SH3RF3: variants seen among roughly 807,000 people sequenced by gnomAD.
SH3RF3 encodes the protein SH3 domain containing ring finger 3.
SH3RF3 carries 29 observed loss-of-function variants against 66.3 expected under a neutral mutation model. That is an observed-to-expected ratio of 0.44 (90% confidence interval 0.33 to 0.60). The LOEUF (loss-of-function observed/expected upper bound fraction) is 0.60. SH3RF3 is among the 20% of genes least tolerant of loss of function. The pLI is 0.04. For synonymous variants in SH3RF3, 583 were observed against 532.0 expected (o/e 1.10, Z -1.32); for missense variants, 1,194 against 1,190.9 (o/e 1.00, Z -0.04).
Position 109,429,872 on chromosome 2 carries a change from G to A in SH3RF3, c.1404-2629G>A, listed in dbSNP as rs114595583. ...ATGCTCCCAGGCCACCAAGCTCCAC[G>A]CTGTGCAGGGAGCCTGCAGTAGCCT... is the stretch of plus-strand genomic sequence containing the variant. On this transcript the variant is annotated intron_variant, in intron 5 of 9. Coordinates refer to ENST00000309415, the MANE Select transcript of SH3RF3 (RefSeq NM_001099289.3). Among the ~76,000 whole-genome samples, 692 of 152,282 alleles carry A rather than the reference G, an allele frequency of 4.5e-3. 2 individuals are homozygous for A. Among genetic ancestry groups the A allele is most frequent in the African/African-American group, 0.016 (647 of 41,550 alleles).
At chr2:109,430,433 G>A (rs988728687) in intron 5 of SH3RF3, among the ~76,000 whole-genome samples, 2 of 152,096 alleles carry the variant, frequency 1.3e-5, no homozygotes, top group Non-Finnish European at 2.9e-5. Flanking sequence ...AGCCCAGGCT[G>A]TGTGGAAGCC....
At chr2:109,258,005 T>C (rs74976444) in intron 1 of SH3RF3, among the ~76,000 whole-genome samples, 2 of 45,590 alleles carry the variant, frequency 4.4e-5, no homozygotes, top group African/African-American at 1.8e-4. Context: ...TGCACACACA[T>C]ACCCACATAC....
chr2:109,405,735 C>T (rs1188403059), intron 4 of SH3RF3, among the ~76,000 whole-genome samples: 1 of 152,212 alleles, frequency 6.6e-6, no homozygotes, highest in Non-Finnish European at 1.5e-5. Context: ...TCAATTCCCC[C>T]ACTGTCTCTT....
intron 1 of SH3RF3, among the ~76,000 whole-genome samples, chr2:109,173,332 C>A (rs1294102021): frequency 2.0e-5 from 3 of 152,114 alleles, no homozygotes; most frequent in African/African-American, 7.2e-5. Flanking sequence ...CCTTCCTGTG[C>A]TCTGCCCGTT....
At position 109,386,424 on chromosome 2, in the gene SH3RF3, A is replaced by C. The variant is rs13404509; in HGVS notation, c.946-12166A>C. On this transcript the variant is annotated intron_variant, in intron 3 of 9. Transcript: ENST00000309415. ...GACTGTTACAAGAAGTTTAAAAAAA[A>C]AAAAAAAAACACTGTGGCTGCTTGT... Among the ~76,000 whole-genome samples the C allele has an allele frequency of 9.2e-3, 1,395 of 152,306 alleles. 22 individuals carry two copies. Among genetic ancestry groups the C allele is most frequent in the African/African-American group, 0.031 (1,303 of 41,568 alleles).
intron 1 of SH3RF3, among the ~76,000 whole-genome samples, chr2:109,235,847 C>T (rs1309723769): frequency 6.6e-6 from 1 of 152,226 alleles, no homozygotes; most frequent in East Asian, 1.9e-4. Context: ...ACATGCTTGA[C>T]TGATAAAACC....
chr2:109,388,606 C>T (rs1171136955), intron 3 of SH3RF3, among the ~76,000 whole-genome samples: 4 of 152,222 alleles, frequency 2.6e-5, no homozygotes, highest in African/African-American at 9.6e-5. Context: ...GCTGCATGCA[C>T]ATGCAAATGC....
At chr2:109,395,689 G>A (rs905040757) in intron 3 of SH3RF3, among the ~76,000 whole-genome samples, 2 of 152,194 alleles carry the variant, frequency 1.3e-5, no homozygotes, top group Non-Finnish European at 2.9e-5. Flanking sequence ...GCAGCCTCTC[G>A]GGGACACGTG....
chr2:109,489,766 C>G (rs915452924), intron 8 of SH3RF3, among the ~76,000 whole-genome samples: 1 of 151,964 alleles, frequency 6.6e-6, no homozygotes, highest in African/African-American at 2.4e-5. Flanking sequence ...GGGACGGAGT[C>G]TCGCTCTGTC....
intron 1 of SH3RF3, among the ~76,000 whole-genome samples, chr2:109,133,824 T>G (rs577409179): frequency 6.6e-6 from 1 of 151,992 alleles, no homozygotes; most frequent in Admixed American, 6.5e-5. Context: ...ATTAGCATAG[T>G]TGGGAATAAG....
chr2:109,146,163 A>G (rs1198761691), intron 1 of SH3RF3, among the ~76,000 whole-genome samples: 1 of 152,188 alleles, frequency 6.6e-6, no homozygotes, highest in Admixed American at 6.5e-5. Flanking sequence ...TCATTAGAAT[A>G]CGTATTAGAA....
intron 4 of SH3RF3, 140 bp downstream of exon 4, chr2:109,399,083 T>G: frequency 9.7e-7 from 1 of 1,031,086 alleles, no homozygotes; most frequent in South Asian, 1.6e-5. Flanking sequence ...GGGTTTGCCC[T>G]TTGCTGCCTG....
Position 109,371,697 on chromosome 2 carries a change from C to T in SH3RF3, c.945+16C>T, listed in dbSNP as rs1052545902. 32 of 1,610,156 alleles carry T rather than the reference C, an allele frequency of 2.0e-5. No individual in the cohort carries two copies. Among genetic ancestry groups the T allele is most frequent in the Non-Finnish European group, 2.6e-5 (31 of 1,177,806 alleles). On this transcript the variant is annotated intron_variant, in intron 3 of 9. Coordinates refer to ENST00000309415, the MANE Select transcript of SH3RF3 (RefSeq NM_001099289.3). ...GTACGTGGAGGTAAGACCGTGCCGCCCTCCCACACTTGGCTCCTTCTTGCC... is the reference window on the plus strand; with the variant it reads ...GTACGTGGAGGTAAGACCGTGCCGCTCTCCCACACTTGGCTCCTTCTTGCC...
At chr2:109,291,535 A>G (rs1292608583) in intron 1 of SH3RF3, among the ~76,000 whole-genome samples, 1 of 152,178 alleles carries the variant, frequency 6.6e-6, no homozygotes, top group African/African-American at 2.4e-5. Context: ...TGCACATGCC[A>G]TGTCTGCAGC....
intron 4 of SH3RF3, among the ~76,000 whole-genome samples, chr2:109,401,481 G>T (rs1676311629): frequency 6.8e-6 from 1 of 146,364 alleles, no homozygotes; most frequent in Non-Finnish European, 1.5e-5. Context: ...ACCAGCCAGA[G>T]ATGGCCCTGG....
intron 1 of SH3RF3, among the ~76,000 whole-genome samples, chr2:109,317,369 T>C (rs1411548770): frequency 1.3e-5 from 2 of 151,380 alleles, no homozygotes; most frequent in East Asian, 3.9e-4. Flanking sequence ...CCCCAGGGGG[T>C]GGAGGAGAGT....
intron 1 of SH3RF3, chr2:109,313,502 A>G (rs6748434): frequency 0.59 from 91,296 of 154,708 alleles, 28,355 homozygotes; most frequent in East Asian, 0.91. Flanking sequence ...TTGCTGGGTG[A>G]GCGCTGTACC....
At position 109,197,801 on chromosome 2, in the gene SH3RF3, T is replaced by TA. The variant is rs538363634; in HGVS notation, c.573+67695dup. ...GGAAGCCTGGCATGAAATAGCAAAT[T>TA]AAAAAAATGCTATGGTGGGTTGGGG... On this transcript the variant is annotated intron_variant, in intron 1 of 9. Transcript: ENST00000309415. 3.7e-4 allele frequency among the ~76,000 whole-genome samples: 57 copies of TA among 152,210 alleles called. 1 individual carries two copies. The highest frequency in any genetic ancestry group is 3.4e-3 in the Middle Eastern group (1 of 294).
intron 2 of SH3RF3, 57 bp downstream of exon 2, chr2:109,348,006 G>C (rs1682756450): frequency 2.0e-6 from 3 of 1,538,060 alleles, no homozygotes; most frequent in Non-Finnish European, 2.6e-6. Flanking sequence ...TGCCACCCAG[G>C]GCTCTTCCCA....
Sources: allele counts gnomAD v4.1 joint callset (sites outside exome capture counted in the v4.1 genomes callset), GRCh38; gene constraint gnomAD v4.1.1; transcripts MANE v1.5; gene names NCBI Gene and HGNC (gene_info 2026-07-23, HGNC 2026-07-21).